The following MATN2 variants were observed in gnomAD, a reference collection of about 807,000 sequenced individuals.
The protein encoded by MATN2 is matrilin-2.
Under a neutral mutation model 103.2 loss-of-function variants are expected in MATN2, and 69 were observed. The ratio of observed to expected loss-of-function variants is 0.67; its 90% CI spans 0.55 to 0.82. The LOEUF (loss-of-function observed/expected upper bound fraction) is 0.82, where lower values mean the gene tolerates loss of function less well. Among genes scored for constraint, MATN2 ranks in the 40% least tolerant of loss-of-function variants. The pLI is 0.00. For synonymous variants in MATN2, 429 were observed against 450.2 expected (o/e 0.95, Z 0.60); for missense variants, 1,023 against 1,211.5 (o/e 0.84, Z 2.31).
intron 2 of MATN2, among the ~76,000 whole-genome samples, chr8:97,930,017 C>G (rs1810123225): frequency 2.0e-5 from 3 of 152,220 alleles, no homozygotes; most frequent in Admixed American, 2.0e-4. Flanking sequence ...ACTACAAGGT[C>G]TCATCACTTA....
chr8:98,030,318 T>C (rs1409056736), intron 14 of MATN2, 144 bp from the exon 15 acceptor site: 1 of 640,220 alleles, frequency 1.6e-6, no homozygotes, highest in Non-Finnish European at 2.7e-6. Context: ...ATAAAAATGG[T>C]AGAAAAATAA....
intron 2 of MATN2, among the ~76,000 whole-genome samples, chr8:97,894,323 C>CTTTTT (rs58988866): frequency 1.7e-5 from 1 of 59,208 alleles, no homozygotes; most frequent in Admixed American, 2.3e-4. Flanking sequence ...AAGAATTCAC[C>CTTTTT]TTTTTTTTTT....
intron 4 of MATN2, among the ~76,000 whole-genome samples, chr8:97,942,425 T>C (rs1810600309): frequency 6.6e-6 from 1 of 152,218 alleles, no homozygotes; most frequent in African/African-American, 2.4e-5. Flanking sequence ...AGATGTAAGA[T>C]ATTAGAACTC....
intron 3 of MATN2, among the ~76,000 whole-genome samples, chr8:97,937,520 T>C (rs1367977266): frequency 6.6e-6 from 1 of 151,920 alleles, no homozygotes; most frequent in East Asian, 1.9e-4. Context: ...AAATAAGCCT[T>C]AGTAACAAGC....
At chr8:97,885,873 C>T (rs1818407148) in intron 1 of MATN2, among the ~76,000 whole-genome samples, 1 of 152,136 alleles carries the variant, frequency 6.6e-6, no homozygotes, top group Non-Finnish European at 1.5e-5. Context: ...GCAGGGGTCC[C>T]CAACCCCCAC....
intron 2 of MATN2, among the ~76,000 whole-genome samples, chr8:97,927,327 T>TTA (rs35797414): frequency 0.07 from 4,733 of 67,632 alleles, 228 homozygotes; most frequent in African/African-American, 0.2. Context: ...ATTATTATTA[T>TTA]TTTTTTTTTT....
chr8:98,024,745 G>GAAA (rs929136762), intron 13 of MATN2: 3 of 152,176 alleles, frequency 2.0e-5, no homozygotes, highest in Admixed American at 2.0e-4. Flanking sequence ...AGAACTTTCT[G>GAAA]AAAATTACGT....
At chr8:97,979,555 CGAT>C (rs1811952361) in intron 6 of MATN2, among the ~76,000 whole-genome samples, 5 of 148,654 alleles carry the variant, frequency 3.4e-5, no homozygotes, top group Non-Finnish European at 6.0e-5. Context: ...ACATAAAATT[CGAT>C]AAACTAAAGA....
At chr8:97,934,743 G>T (rs557951797) in intron 3 of MATN2, among the ~76,000 whole-genome samples, 19 of 152,316 alleles carry the variant, frequency 1.2e-4, no homozygotes, top group Admixed American at 5.2e-4. Flanking sequence ...TGTTGCAAGA[G>T]AAAAGGAGCA....
intron 2 of MATN2, among the ~76,000 whole-genome samples, chr8:97,912,427 C>T (rs112499191): frequency 1.3e-5 from 2 of 152,174 alleles, no homozygotes; most frequent in Admixed American, 6.5e-5. Flanking sequence ...GGCATTGAAG[C>T]GCTGAGAGCG....
chr8:98,016,815 T>A (rs934021830), intron 11 of MATN2, among the ~76,000 whole-genome samples, 153 bp downstream of exon 11: 1 of 152,096 alleles, frequency 6.6e-6, no homozygotes, highest in African/African-American at 2.4e-5. Flanking sequence ...AAAGAGAAAA[T>A]GGACATTAGG....
At chr8:97,965,484 G>A (rs1811449948) in intron 5 of MATN2, among the ~76,000 whole-genome samples, 1 of 152,062 alleles carries the variant, frequency 6.6e-6, no homozygotes, top group Non-Finnish European at 1.5e-5. Context: ...GAAAGGAGAG[G>A]GAGACAGTAA....
chr8:97,875,799 C>T (rs1351610746), intron 1 of MATN2, among the ~76,000 whole-genome samples: 1 of 145,754 alleles, frequency 6.9e-6, no homozygotes, highest in Non-Finnish European at 1.5e-5. Flanking sequence ...AGGTTCACAC[C>T]ATTCTCCTGC....
chr8:97,874,978 A>G lies in MATN2; in HGVS notation c.-27+5691A>G, dbSNP rs1019314994. ...TGATCTGTCCGCCTCGACCTCCCAA[A>G]ATGCTGGGATTACAGGCACAAGCCA... On this transcript the variant is annotated intron_variant, in intron 1 of 18. Coordinates refer to ENST00000254898, the MANE Select transcript of MATN2 (RefSeq NM_002380.5). Among the ~76,000 whole-genome samples the G allele has an allele frequency of 3.9e-5, 6 of 151,922 alleles. No individual in the cohort carries two copies. In the South Asian group the frequency reaches 1.2e-3, roughly 32 times the overall value.
rs140184958 is a variant in MATN2 at position 97,929,825 on chromosome 8, C to G, written c.143-1128C>G. The stretch of plus-strand genomic sequence containing the variant: ...CCATCTTGCAAACCACTGCCAGACT[C>G]TGTTGACTTTTCATTATGTAACTTC... On this transcript the variant is annotated intron_variant, in intron 2 of 18. Coordinates refer to ENST00000254898, the MANE Select transcript of MATN2 (RefSeq NM_002380.5). 5.7e-3 allele frequency among the ~76,000 whole-genome samples: 863 copies of G among 152,296 alleles called. 8 individuals are homozygous for G. The highest frequency in any genetic ancestry group is 0.019 in the African/African-American group (795 of 41,566).
chr8:97,973,555 TATG>T (rs1032660599), intron 5 of MATN2, among the ~76,000 whole-genome samples: 1 of 149,556 alleles, frequency 6.7e-6, no homozygotes, highest in Non-Finnish European at 1.5e-5. Context: ...AAGAAAAAAG[TATG>T]ATATTTACAA....
chr8:97,998,486 C>T lies in MATN2; in HGVS notation c.1204+3884C>T, dbSNP rs538079348. The stretch of plus-strand genomic sequence containing the variant: ...GCAGTGAGCCGAGATCGTGCCACTG[C>T]ACTCCAGCCTGGGCGACAGTGAGAC... On this transcript the variant is annotated intron_variant, in intron 7 of 18. Transcript: ENST00000254898. 1.5e-4 allele frequency among the ~76,000 whole-genome samples: 21 copies of T among 139,668 alleles called. No homozygotes were observed. The South Asian group carries it at 4.5e-3, about 30-fold the overall frequency. 91.6% of individuals were successfully genotyped at this position (139,668 alleles called of 152,430 possible).
intron 4 of MATN2, among the ~76,000 whole-genome samples, chr8:97,952,471 C>T (rs1810987518): frequency 6.6e-6 from 1 of 152,158 alleles, no homozygotes; most frequent in South Asian, 2.1e-4. Flanking sequence ...GCTCCGTGCT[C>T]CCCCCTCAGT....
intron 1 of MATN2, among the ~76,000 whole-genome samples, chr8:97,871,446 G>T (rs1387403309): frequency 1.3e-5 from 2 of 152,186 alleles, no homozygotes; most frequent in African/African-American, 2.4e-5. Flanking sequence ...AGTGGTTTAA[G>T]ACCAGTCAAG....
Sources: gnomAD v4.1 joint callset for allele counts (sites outside exome capture counted in the v4.1 genomes callset) on GRCh38, gnomAD v4.1.1 for gene constraint, MANE v1.5 for transcripts, NCBI Gene and HGNC (gene_info 2026-07-23, HGNC 2026-07-21) for gene names.